TBL1X: variants seen among roughly 807,000 people sequenced by gnomAD.
TBL1X encodes transducin beta like 1 X-linked.
Under a neutral mutation model 50.7 loss-of-function variants are expected in TBL1X, and 10 were observed. The ratio of observed to expected loss-of-function variants is 0.20; its 90% CI spans 0.12 to 0.33. TBL1X has a LOEUF of 0.33. Ranked by LOEUF, TBL1X falls within the 10% of genes least tolerant of loss-of-function variation. The pLI, the probability that TBL1X is intolerant of heterozygous loss-of-function variation, is 1.00. For missense variants in TBL1X, 340 were observed against 504.4 expected (o/e 0.67, Z 3.12); for synonymous variants, 190 against 214.7 (o/e 0.88, Z 1.01).
chrX:9,706,756 G>A, intron 13 of TBL1X, among the ~76,000 whole-genome samples: 1 of 111,227 alleles, frequency 9.0e-6, no homozygotes, highest in Non-Finnish European at 1.9e-5. Context: ...TCGACCTCCT[G>A]GGCTAGTGTC....
chrX:9,472,731 G>C (rs774977720), intron 1 of TBL1X, among the ~76,000 whole-genome samples: 144 of 110,164 alleles, frequency 1.3e-3, no homozygotes, highest in Middle Eastern at 9.4e-3. Flanking sequence ...AGCTAACACG[G>C]TGAAACCCCG....
intron 1 of TBL1X, among the ~76,000 whole-genome samples, chrX:9,497,773 C>T (rs867435871): frequency 9.7e-4 from 74 of 76,315 alleles, no homozygotes; most frequent in Admixed American, 1.5e-3. Flanking sequence ...TCCCTCCCTC[C>T]CTCTCTCTCT....
intron 2 of TBL1X, among the ~76,000 whole-genome samples, chrX:9,569,294 ATGTGT>A (rs760233024): frequency 4.7e-5 from 3 of 64,133 alleles, no homozygotes; most frequent in African/African-American, 6.6e-5. Flanking sequence ...TATCTGTGCA[ATGTGT>A]TGTGTGTGTG....
intron 5 of TBL1X, among the ~76,000 whole-genome samples, chrX:9,662,547 G>T (rs765321730): frequency 3.6e-5 from 4 of 112,156 alleles, no homozygotes; most frequent in Non-Finnish European, 5.6e-5. Context: ...AAGGGTGGTT[G>T]CTGGGGGATG....
At chrX:9,491,336 ATAT>A (rs1334216964) in intron 1 of TBL1X, among the ~76,000 whole-genome samples, 87 of 25,280 alleles carry the variant, frequency 3.4e-3, no homozygotes, top group Non-Finnish European at 3.9e-3. Context: ...ATATATATAT[ATAT>A]TTTTTTTTTT....
intron 5 of TBL1X, among the ~76,000 whole-genome samples, chrX:9,681,427 G>A (rs1172885297): frequency 8.9e-6 from 1 of 112,436 alleles, no homozygotes; most frequent in Non-Finnish European, 1.9e-5. Context: ...TCCAATGTTT[G>A]TCCTTATGTG....
chrX:9,571,934 GAAT>G (rs1271481797), intron 2 of TBL1X, among the ~76,000 whole-genome samples: 1 of 112,278 alleles, frequency 8.9e-6, no homozygotes, highest in Admixed American at 9.4e-5. Context: ...TTTTAAAGCT[GAAT>G]AATATTCCCT....
intron 5 of TBL1X, among the ~76,000 whole-genome samples, chrX:9,655,753 G>A (rs961181522): frequency 1.8e-5 from 2 of 112,209 alleles, no homozygotes; most frequent in Non-Finnish European, 3.8e-5. Context: ...ACCAGTCTAC[G>A]ATCCTCTAGG....
At chrX:9,564,813 G>A (rs943141998) in intron 2 of TBL1X, among the ~76,000 whole-genome samples, 4 of 110,403 alleles carry the variant, frequency 3.6e-5, no homozygotes, top group Non-Finnish European at 5.7e-5. Context: ...TGGGTGTTGC[G>A]GGAGGAAGGG....
intron 2 of TBL1X, among the ~76,000 whole-genome samples, chrX:9,506,014 C>G (rs923097250): frequency 2.7e-5 from 3 of 112,412 alleles, no homozygotes; most frequent in African/African-American, 9.7e-5. Context: ...CTCAGTGCCA[C>G]ATGGCACTTA....
chrX:9,608,564 A>G (rs2082595742), intron 2 of TBL1X, among the ~76,000 whole-genome samples: 2 of 111,426 alleles, frequency 1.8e-5, no homozygotes, highest in Non-Finnish European at 3.8e-5. Flanking sequence ...TGGGAATTGA[A>G]AGAGATTTAT....
intron 2 of TBL1X, among the ~76,000 whole-genome samples, chrX:9,594,882 C>T (rs1345933916): frequency 2.7e-5 from 3 of 111,888 alleles, no homozygotes; most frequent in East Asian, 2.8e-4. Flanking sequence ...GGTGTATACC[C>T]GTGTCTTTCT....
rs776435139 is a variant in TBL1X, at chrX:9,566,924, G to A, written c.-131+65075G>A. Among the ~76,000 whole-genome samples the A allele has an allele frequency of 2.7e-5, 3 of 112,165 alleles. No homozygotes were observed. In the South Asian group the frequency reaches 1.1e-3, roughly 42 times the overall value. On this transcript the variant is annotated intron_variant, in intron 2 of 17. Coordinates refer to ENST00000645353, the MANE Select transcript of TBL1X (RefSeq NM_005647.4). ...TTAAAACCCTCATTTCACAGCTGAG[G>A]AAACTCTGGTGCAGAGAGGGTTTTT...
intron 2 of TBL1X, among the ~76,000 whole-genome samples, chrX:9,514,306 C>CA (rs1240094466): frequency 2.0e-5 from 2 of 99,646 alleles, no homozygotes; most frequent in Non-Finnish European, 4.0e-5. Context: ...AAACCCAAAA[C>CA]AAAAAAACCC....
At chrX:9,530,571 A>G (rs1241760449) in intron 2 of TBL1X, among the ~76,000 whole-genome samples, 1 of 112,368 alleles carries the variant, frequency 8.9e-6, no homozygotes, top group Admixed American at 9.4e-5. Context: ...CTGTAAAAAA[A>G]GGTGCTCTTT....
chrX:9,574,202 A>G (rs2082399162), intron 2 of TBL1X, among the ~76,000 whole-genome samples: 1 of 110,237 alleles, frequency 9.1e-6, no homozygotes, highest in African/African-American at 3.3e-5. Flanking sequence ...AGTGGCTCAC[A>G]TCTGTAGTCC....
chrX:9,640,486 G>A (rs907068515), intron 3 of TBL1X, 126 bp downstream of exon 3: 5 of 112,219 alleles, frequency 4.5e-5, no homozygotes, highest in African/African-American at 1.6e-4. Context: ...GAAGTGCCCG[G>A]TCTTTCTCCT....
At chrX:9,641,546 T>C (rs1318777804) in intron 3 of TBL1X, among the ~76,000 whole-genome samples, 1 of 112,610 alleles carries the variant, frequency 8.9e-6, no homozygotes, top group Non-Finnish European at 1.9e-5. Flanking sequence ...AGAACTAAAA[T>C]GATAGACTTA....
intron 11 of TBL1X, 77 bp from the exon 12 acceptor site, chrX:9,697,292 T>G: frequency 8.5e-7 from 1 of 1,171,573 alleles, no homozygotes; most frequent in South Asian, 1.9e-5. Context: ...GGGCTGTCTT[T>G]TCTTGTATGA....
Sources: allele counts gnomAD v4.1 joint callset (sites outside exome capture counted in the v4.1 genomes callset), GRCh38; gene constraint gnomAD v4.1.1; transcripts MANE v1.5; gene names NCBI Gene and HGNC (gene_info 2026-07-23, HGNC 2026-07-21).